The following VPS54 variants were observed in gnomAD, a reference collection of about 807,000 sequenced individuals.
VPS54 encodes vacuolar protein sorting-associated protein 54.
VPS54 carries 45 observed loss-of-function variants against 121.5 expected under a neutral mutation model. The observed-to-expected ratio is 0.37, with a 90% CI of 0.29 to 0.47. The LOEUF is 0.47. Among genes scored for constraint, VPS54 ranks in the 20% least tolerant of loss-of-function variants. The probability of loss-of-function intolerance (pLI) is 0.99; values close to 1 mark genes in which losing one functional copy is unlikely to be tolerated. For synonymous variants in VPS54, 371 were observed against 385.8 expected (o/e 0.96, Z 0.45); for missense variants, 1,090 against 1,131.4 (o/e 0.96, Z 0.52).
chr2:63,929,214 T>G (rs1239975525), intron 12 of VPS54, among the ~76,000 whole-genome samples: 1 of 152,180 alleles, frequency 6.6e-6, no homozygotes, highest in Non-Finnish European at 1.5e-5. Flanking sequence ...GAATATACAT[T>G]CTTCTCAGCA....
intron 14 of VPS54, among the ~76,000 whole-genome samples, 156 bp downstream of exon 14, chr2:63,920,290 C>G (rs993103560): frequency 2.6e-5 from 4 of 151,966 alleles, no homozygotes; most frequent in African/African-American, 9.7e-5. Context: ...TTTGAAAAGC[C>G]AAGAAATGTG....
At chr2:63,914,602 C>G (rs1479477712) in intron 16 of VPS54, among the ~76,000 whole-genome samples, 1 of 152,094 alleles carries the variant, frequency 6.6e-6, no homozygotes, top group Non-Finnish European at 1.5e-5. Flanking sequence ...GTATGGCATT[C>G]TTATTAAGTA....
chr2:64,003,827 C>A (rs1677998700), intron 1 of VPS54, among the ~76,000 whole-genome samples: 1 of 152,154 alleles, frequency 6.6e-6, no homozygotes, highest in Non-Finnish European at 1.5e-5. Flanking sequence ...GCACTAGAAG[C>A]ATTGCCTCCC....
chr2:63,913,718 C>T (rs192095124), intron 17 of VPS54: 756 of 420,466 alleles, frequency 1.8e-3, no homozygotes, highest in Non-Finnish European at 2.3e-3. Context: ...GCATTTCCTC[C>T]GTACTGGTAG....
chr2:63,921,257 G>A lies in VPS54; in HGVS notation c.1818C>T (p.Ala606=), dbSNP rs1339242507. The A allele has an allele frequency of 1.9e-6, 3 of 1,612,876 alleles. No homozygotes were observed. The highest frequency in any genetic ancestry group is 8.5e-7 in the Non-Finnish European group (1 of 1,179,442). The change falls in exon 13 of 23, where the codon GCC becomes GCT. Residue 606 remains alanine, a synonymous_variant. Coordinates refer to ENST00000272322, the MANE Select transcript of VPS54 (RefSeq NM_016516.3). ...CAGCTCGATCATGGCATATATCTGAGGCACTATATAATAATTCCTGGATAT... is the reference window on the plus strand; with the variant it reads ...CAGCTCGATCATGGCATATATCTGAAGCACTATATAATAATTCCTGGATAT... The part of the protein sequence containing the change: ...ANNIQELLYS[A]SDICHDRAVK...
intron 20 of VPS54, among the ~76,000 whole-genome samples, chr2:63,910,975 C>G (rs1172094467): frequency 2.6e-5 from 4 of 152,088 alleles, no homozygotes; most frequent in African/African-American, 9.7e-5. Flanking sequence ...GTGGGGTGAT[C>G]ACAGCTCACT....
At chr2:63,980,957 T>C (rs950751343) in intron 3 of VPS54, among the ~76,000 whole-genome samples, 3 of 152,040 alleles carry the variant, frequency 2.0e-5, no homozygotes, top group African/African-American at 7.2e-5. Context: ...AACCAGATGC[T>C]ATATAGTATT....
intron 11 of VPS54, among the ~76,000 whole-genome samples, chr2:63,934,476 A>G (rs1159464953): frequency 2.8e-4 from 42 of 151,390 alleles, no homozygotes; most frequent in Admixed American, 2.7e-3. Flanking sequence ...TTCTCTTTCT[A>G]CTCTTCCCTC....
At chr2:63,913,616 T>C (rs1673249492) in intron 17 of VPS54, among the ~76,000 whole-genome samples, 1 of 152,170 alleles carries the variant, frequency 6.6e-6, no homozygotes, top group Admixed American at 6.5e-5. Flanking sequence ...GAAGTCCTAT[T>C]TTCAAAAGTT....
At chr2:63,944,420 AC>A (rs1015533632) in intron 10 of VPS54, among the ~76,000 whole-genome samples, 179 bp downstream of exon 10, 5 of 151,862 alleles carry the variant, frequency 3.3e-5, no homozygotes, top group African/African-American at 7.3e-5. Flanking sequence ...TTTTCCAACT[AC>A]CTTTCTCCTC....
chr2:63,922,209 CT>C (rs1673678772), intron 12 of VPS54, among the ~76,000 whole-genome samples: 1 of 152,040 alleles, frequency 6.6e-6, no homozygotes, highest in Non-Finnish European at 1.5e-5. Context: ...GAATGTAAAA[CT>C]TTCTATTTTT....
At chr2:63,998,510 A>AT (rs1383857907) in intron 1 of VPS54, among the ~76,000 whole-genome samples, 2 of 151,412 alleles carry the variant, frequency 1.3e-5, no homozygotes, top group Non-Finnish European at 2.9e-5. Context: ...AGTAAAGGTG[A>AT]TTTTTTTCTG....
chr2:63,999,314 T>G (rs1677758969), intron 1 of VPS54, among the ~76,000 whole-genome samples: 1 of 152,212 alleles, frequency 6.6e-6, no homozygotes, highest in Non-Finnish European at 1.5e-5. Flanking sequence ...TTTGTTTGTC[T>G]GGGAAAGTCT....
intron 11 of VPS54, among the ~76,000 whole-genome samples, chr2:63,941,563 G>A (rs935335481): frequency 6.6e-6 from 1 of 152,116 alleles, no homozygotes; most frequent in Admixed American, 6.6e-5. Context: ...ACATGTTGGT[G>A]ATTCAAACCA....
chr2:64,014,869 A>G (rs1678605656), intron 1 of VPS54, among the ~76,000 whole-genome samples: 1 of 152,202 alleles, frequency 6.6e-6, no homozygotes, highest in Non-Finnish European at 1.5e-5. Flanking sequence ...GATGATAAAT[A>G]GCAAAAGTGA....
At chr2:63,907,451 G>C (rs1308410558) in intron 20 of VPS54, among the ~76,000 whole-genome samples, 2 of 151,234 alleles carry the variant, frequency 1.3e-5, no homozygotes, top group African/African-American at 4.9e-5. Context: ...CCGGGAGGCG[G>C]AGGTTGCGGT....
At chr2:63,976,662 T>G (rs1232067497) in intron 3 of VPS54, among the ~76,000 whole-genome samples, 1 of 152,096 alleles carries the variant, frequency 6.6e-6, no homozygotes, top group Non-Finnish European at 1.5e-5. Flanking sequence ...GTGTAAGCTT[T>G]GGTAAATTGT....
intron 12 of VPS54, among the ~76,000 whole-genome samples, chr2:63,921,677 G>C (rs1673653383): frequency 6.6e-6 from 1 of 151,870 alleles, no homozygotes; most frequent in African/African-American, 2.4e-5. Flanking sequence ...ACAGAGTCTT[G>C]CTACAATGCC....
At chr2:63,991,525 A>G (rs779660680) in intron 1 of VPS54, among the ~76,000 whole-genome samples, 15 of 152,244 alleles carry the variant, frequency 9.9e-5, no homozygotes, top group Non-Finnish European at 1.8e-4. Context: ...GCCTGCTATA[A>G]TTGCAGTCAA....
Sources: gnomAD v4.1 joint callset for allele counts (sites outside exome capture counted in the v4.1 genomes callset) on GRCh38, gnomAD v4.1.1 for gene constraint, MANE v1.5 for transcripts, NCBI Gene and HGNC (gene_info 2026-07-23, HGNC 2026-07-21) for gene names.